MARCHF1: variants seen among roughly 807,000 people sequenced by gnomAD.
MARCHF1 encodes the protein membrane associated ring-CH-type finger 1, also known as E3 ubiquitin-protein ligase MARCHF1.
Under a neutral mutation model 54.2 loss-of-function variants are expected in MARCHF1, and 40 were observed. The ratio of observed to expected loss-of-function variants is 0.74; its 90% confidence interval spans 0.57 to 0.96. The LOEUF (loss-of-function observed/expected upper bound fraction) is 0.96, where lower values mean the gene tolerates loss of function less well. Among genes scored for constraint, MARCHF1 ranks in the 40% least tolerant of loss-of-function variants. The pLI is 0.00. For missense variants in MARCHF1, 586 were observed against 656.5 expected (o/e 0.89, Z 1.17); for synonymous variants, 236 against 236.3 (o/e 1.00, Z 0.01).
intron 1 of MARCHF1, among the ~76,000 whole-genome samples, chr4:164,252,593 C>T (rs1162545153): frequency 3.9e-5 from 6 of 152,068 alleles, no homozygotes; most frequent in African/African-American, 2.4e-5. Context: ...AAGCCAAAAG[C>T]TGAGAAAGAC....
At chr4:163,882,621 G>A (rs1049218847) in intron 3 of MARCHF1, among the ~76,000 whole-genome samples, 4 of 152,046 alleles carry the variant, frequency 2.6e-5, no homozygotes, top group African/African-American at 9.7e-5. Flanking sequence ...TTCCTCATGG[G>A]TTTTCTTTTT....
intron 1 of MARCHF1, among the ~76,000 whole-genome samples, chr4:164,377,882 T>C (rs1423231189): frequency 1.3e-5 from 2 of 152,190 alleles, no homozygotes; most frequent in African/African-American, 4.8e-5. Flanking sequence ...TGGAGTTAGC[T>C]GTATTGCGTA....
At chr4:163,927,832 G>A (rs1031472297) in intron 3 of MARCHF1, among the ~76,000 whole-genome samples, 4 of 151,752 alleles carry the variant, frequency 2.6e-5, no homozygotes, top group South Asian at 2.1e-4. Context: ...TTAGCATACC[G>A]TTTGAATATT....
At chr4:163,700,671 A>G (rs1190343459) in intron 5 of MARCHF1, 142 bp downstream of exon 5, 1 of 618,244 alleles carries the variant, frequency 1.6e-6, no homozygotes. Context: ...ATTACAGTAA[A>G]AGCTTAAAAG....
intron 4 of MARCHF1, among the ~76,000 whole-genome samples, chr4:163,734,438 A>C (rs1745973109): frequency 6.6e-6 from 1 of 152,030 alleles, no homozygotes; most frequent in Non-Finnish European, 1.5e-5. Flanking sequence ...ATACCGGTGA[A>C]ATTTCTATAC....
intron 1 of MARCHF1, among the ~76,000 whole-genome samples, chr4:164,231,562 GAC>G (rs1432913294): frequency 6.6e-6 from 1 of 152,076 alleles, no homozygotes; most frequent in Non-Finnish European, 1.5e-5. Context: ...AGAAGTGCTT[GAC>G]ACACACATTA....
At position 163,526,925 on chromosome 4, in the gene MARCHF1, T is replaced by G. The variant is rs1379444857; in HGVS notation, c.*1823A>C. The G allele has an allele frequency of 6.6e-6, 1 of 151,934 alleles. No homozygotes were observed. The highest frequency in any genetic ancestry group is 1.5e-5 in the Non-Finnish European group (1 of 67,904). The allele number at this position is 151,934 out of a possible 1,614,324, so 9.4% of individuals were successfully genotyped here. On this transcript the variant is annotated 3_prime_UTR_variant, in exon 10 of 10. Transcript: ENST00000514618. ...GACTCAGTGTCAGCCACTACTAATA[T>G]TTATACCATCTTTCTCCTCATTTAA...
At chr4:163,740,110 G>GC (rs938042498) in intron 4 of MARCHF1, among the ~76,000 whole-genome samples, 7 of 152,108 alleles carry the variant, frequency 4.6e-5, no homozygotes, top group African/African-American at 1.7e-4. Context: ...ACTTGATTAT[G>GC]CCAGCTGAGA....
At position 163,900,266 on chromosome 4, in the gene MARCHF1, G is replaced by A. The variant is rs140293573; in HGVS notation, c.-38-46097C>T. ...ATGAATGAATTTTGACTGGTACTCCGTCAAATTAAAAAAATATTTAGGGAG... is the reference window on the plus strand; with the variant it reads ...ATGAATGAATTTTGACTGGTACTCCATCAAATTAAAAAAATATTTAGGGAG... On this transcript the variant is annotated intron_variant, in intron 3 of 9. Transcript: ENST00000514618. Among the ~76,000 whole-genome samples the A allele has an allele frequency of 6.3e-3, 952 of 151,622 alleles. 10 individuals carry two copies. The highest frequency in any genetic ancestry group is 0.022 in the African/African-American group (904 of 41,328).
At chr4:164,158,160 T>C (rs1227573001) in intron 1 of MARCHF1, among the ~76,000 whole-genome samples, 1 of 152,232 alleles carries the variant, frequency 6.6e-6, no homozygotes, top group East Asian at 1.9e-4. Flanking sequence ...ATCAGTGGCA[T>C]ACTTAGAGAT....
intron 2 of MARCHF1, among the ~76,000 whole-genome samples, chr4:164,028,946 T>A (rs1030013329): frequency 2.6e-5 from 4 of 152,178 alleles, no homozygotes; most frequent in Admixed American, 2.6e-4. Context: ...TTACCTTCTT[T>A]GTATTGACTC....
intron 1 of MARCHF1, among the ~76,000 whole-genome samples, chr4:164,134,872 A>G (rs1426861809): frequency 3.3e-5 from 5 of 150,512 alleles, no homozygotes; most frequent in Admixed American, 3.3e-4. Flanking sequence ...AAAATTGCTT[A>G]AGTTTAATTG....
intron 3 of MARCHF1, among the ~76,000 whole-genome samples, chr4:163,858,750 A>G (rs1749838239): frequency 6.6e-6 from 1 of 152,160 alleles, no homozygotes; most frequent in Non-Finnish European, 1.5e-5. Flanking sequence ...ATTCATGCCT[A>G]TCACTCACAT....
At chr4:163,753,083 T>TAATAAAATAACAA (rs147522314) in intron 4 of MARCHF1, among the ~76,000 whole-genome samples, 2 of 152,076 alleles carry the variant, frequency 1.3e-5, no homozygotes, top group African/African-American at 4.8e-5. Flanking sequence ...ACTCGTTATT[T>TAATAAAATAACAA]AATAAAATAA....
At chr4:164,335,598 A>AAG (rs1554002242) in intron 1 of MARCHF1, among the ~76,000 whole-genome samples, 8 of 147,960 alleles carry the variant, frequency 5.4e-5, no homozygotes, top group East Asian at 4.2e-4. Flanking sequence ...AAAAAAAAAA[A>AAG]AGAGAATTTG....
At chr4:163,532,324 T>G (rs1477300398) in intron 9 of MARCHF1, among the ~76,000 whole-genome samples, 1 of 151,898 alleles carries the variant, frequency 6.6e-6, no homozygotes, top group Non-Finnish European at 1.5e-5. Context: ...GCAAAGGCAA[T>G]TCAATGGAGA....
At chr4:163,599,301 A>ATATATATATATATATATATATATC (rs1740873838) in intron 7 of MARCHF1, among the ~76,000 whole-genome samples, 1 of 150,610 alleles carries the variant, frequency 6.6e-6, no homozygotes, top group South Asian at 2.1e-4. Flanking sequence ...AAAAAATTAT[A>ATATATATATATATATATATATATC]TATATATATA....
In MARCHF1 at chr4:163,564,873, CT is replaced by C. The variant is rs34689838; in HGVS notation, c.1192-19131del. Among the ~76,000 whole-genome samples the C allele has an allele frequency of 3.3e-3, 488 of 147,576 alleles. 3 individuals carry two copies. The highest frequency in any genetic ancestry group is 0.011 in the African/African-American group (430 of 40,598). ...AGCAGCGCAGATCTCTGGGGAAACA[CT>C]TTTTTTTTTTCATGATGTCAGTTTC... On this transcript the variant is annotated intron_variant, in intron 8 of 9. Coordinates refer to ENST00000514618, the MANE Select transcript of MARCHF1 (RefSeq NM_001394959.1).
chr4:164,232,123 G>A (rs1732429196), intron 1 of MARCHF1, among the ~76,000 whole-genome samples: 3 of 152,104 alleles, frequency 2.0e-5, no homozygotes, highest in South Asian at 4.1e-4. Context: ...AAAGAACAAA[G>A]TCAGTACTAA....
Sources: allele counts gnomAD v4.1 joint callset (sites outside exome capture counted in the v4.1 genomes callset), GRCh38; gene constraint gnomAD v4.1.1; transcripts MANE v1.5; gene names NCBI Gene and HGNC (gene_info 2026-07-23, HGNC 2026-07-21).